The following STPG2 variants were observed in gnomAD, a reference collection of about 807,000 sequenced individuals.
STPG2 encodes the protein sperm-tail PG-rich repeat-containing protein 2.
A neutral mutation model predicts 54.2 loss-of-function variants in STPG2; 56 were observed. That is an observed-to-expected ratio of 1.03 (90% CI 0.83 to 1.29). STPG2 has a LOEUF of 1.29. Ranked by LOEUF, STPG2 falls within the 50% of genes most tolerant of loss-of-function variation. The probability of loss-of-function intolerance (pLI) is 0.00; values close to 1 mark genes in which losing one functional copy is unlikely to be tolerated. For synonymous variants in STPG2, 200 were observed against 181.8 expected (o/e 1.10, Z -0.81); for missense variants, 596 against 544.9 (o/e 1.09, Z -0.93).
At chr4:97,500,279 G>A (rs939999254) in intron 4 of STPG2, among the ~76,000 whole-genome samples, 3 of 151,908 alleles carry the variant, frequency 2.0e-5, no homozygotes, top group African/African-American at 7.2e-5. Context: ...AATTATACCC[G>A]GAAAATAAAA....
intron 10 of STPG2, among the ~76,000 whole-genome samples, chr4:97,576,625 C>A (rs1037423179): frequency 2.6e-4 from 39 of 152,114 alleles, no homozygotes; most frequent in African/African-American, 8.9e-4. Context: ...AAATTAAAGA[C>A]CTAAAACTAT....
At chr4:97,696,086 G>C (rs1211051107) in intron 10 of STPG2, among the ~76,000 whole-genome samples, 1 of 152,180 alleles carries the variant, frequency 6.6e-6, no homozygotes, top group East Asian at 1.9e-4. Flanking sequence ...GAACAAATCT[G>C]GAGGCATTAC....
intron 5 of STPG2, among the ~76,000 whole-genome samples, chr4:98,042,221 T>C (rs887341130): frequency 1.8e-5 from 1 of 55,180 alleles, no homozygotes; most frequent in African/African-American, 8.2e-5. Context: ...ATTTTCTCTG[T>C]TTTTTTTGGT....
intron 7 of STPG2, among the ~76,000 whole-genome samples, chr4:97,962,260 T>C (rs1733916635): frequency 6.6e-6 from 1 of 151,944 alleles, no homozygotes; most frequent in African/African-American, 2.4e-5. Flanking sequence ...GTGCAGTGTA[T>C]ATTGCTGGGA....
chr4:98,080,044 C>G (rs1450859439), intron 5 of STPG2, among the ~76,000 whole-genome samples: 1 of 151,764 alleles, frequency 6.6e-6, no homozygotes, highest in Non-Finnish European at 1.5e-5. Flanking sequence ...TACATTATAC[C>G]TAAGCTCTTA....
At chr4:97,784,465 AT>A (rs1726760646) in intron 9 of STPG2, among the ~76,000 whole-genome samples, 1 of 152,130 alleles carries the variant, frequency 6.6e-6, no homozygotes, top group African/African-American at 2.4e-5. Context: ...GATATTGAAT[AT>A]GGGAAAAAAT....
chr4:97,946,604 T>C lies in STPG2; in HGVS notation c.934-2597A>G, dbSNP rs547580785. The stretch of plus-strand genomic sequence containing the variant: ...ATGTAGGGATTCAGTTTCATTCTTC[T>C]AAATGTAGCTATTCAGTTTTCCCAG... On this transcript the variant is annotated intron_variant, in intron 7 of 10. Transcript: ENST00000295268. Among the ~76,000 whole-genome samples the C allele has an allele frequency of 4.6e-5, 7 of 152,284 alleles. No homozygotes were observed. The East Asian group carries it at 1.4e-3, about 29-fold the overall frequency.
intron 5 of STPG2, among the ~76,000 whole-genome samples, chr4:98,074,523 A>G (rs1196779301): frequency 1.3e-5 from 2 of 152,056 alleles, no homozygotes; most frequent in Non-Finnish European, 2.9e-5. Context: ...CTTCTGTCCC[A>G]TTCTCTCCCT....
intron 8 of STPG2, among the ~76,000 whole-genome samples, chr4:97,902,413 G>T (rs561336402): frequency 6.6e-6 from 1 of 152,216 alleles, no homozygotes; most frequent in African/African-American, 2.4e-5. Flanking sequence ...CCTGATAAGG[G>T]TTAATCTTCA....
At chr4:98,005,458 T>A (rs72686464) in intron 5 of STPG2, among the ~76,000 whole-genome samples, 2,078 of 152,338 alleles carry the variant, frequency 0.014, 19 homozygotes, top group Non-Finnish European at 0.02. Flanking sequence ...AATATCCTTG[T>A]CTAGTTCTGG....
chr4:98,051,495 T>G (rs984301764), intron 5 of STPG2, among the ~76,000 whole-genome samples: 1 of 152,018 alleles, frequency 6.6e-6, no homozygotes, highest in African/African-American at 2.4e-5. Context: ...CTAGTGGCTT[T>G]ATAGGAAGGA....
chr4:97,444,898 A>AT (rs2148793203), intron 4 of STPG2, among the ~76,000 whole-genome samples: 1 of 152,150 alleles, frequency 6.6e-6, no homozygotes, highest in East Asian at 1.9e-4. Context: ...TTAGCCAGGG[A>AT]TGGTAGCAGG....
chr4:97,467,150 C>G (rs1404767719), intron 4 of STPG2, among the ~76,000 whole-genome samples: 1 of 151,788 alleles, frequency 6.6e-6, no homozygotes, highest in African/African-American at 2.4e-5. Context: ...TTTGGGGAAG[C>G]CTTAACCAGA....
At position 98,134,388 on chromosome 4, in the gene STPG2, C is replaced by A; in HGVS notation, c.181G>T (p.Ala61Ser). The change falls in exon 2 of 11, where the codon GCT becomes TCT. Residue 61 changes from alanine (A) to serine (S), a missense_variant. Transcript: ENST00000295268. ...TFTIASSIEK[A>S]VPGPGHYNVS... ...TTATAGTGTCCTGGACCTGGAACAGCTTTCTCAATGCTAGAGGCAATGGTA... is the reference window on the plus strand; with the variant it reads ...TTATAGTGTCCTGGACCTGGAACAGATTTCTCAATGCTAGAGGCAATGGTA... The A allele has an allele frequency of 3.2e-6, 5 of 1,584,052 alleles. No individual in the cohort carries two copies. Among genetic ancestry groups the A allele is most frequent in the Non-Finnish European group, 3.4e-6 (4 of 1,162,580 alleles).
chr4:97,545,442 GAATAA>G (rs1211505136), intron 4 of STPG2, among the ~76,000 whole-genome samples: 7 of 152,048 alleles, frequency 4.6e-5, no homozygotes, highest in Non-Finnish European at 1.0e-4. Flanking sequence ...GATTTCATAT[GAATAA>G]AAATGTTAAG....
intron 10 of STPG2, among the ~76,000 whole-genome samples, chr4:97,706,069 T>G (rs1723931200): frequency 6.6e-6 from 1 of 152,170 alleles, no homozygotes; most frequent in South Asian, 2.1e-4. Context: ...TTTCTCTTGA[T>G]CCAATGAATC....
chr4:97,822,311 C>T (rs1728118968), intron 9 of STPG2, among the ~76,000 whole-genome samples: 2 of 152,162 alleles, frequency 1.3e-5, no homozygotes, highest in Non-Finnish European at 2.9e-5. Context: ...GAGACCTTGT[C>T]AGCCCAGAAT....
At chr4:97,580,590 ATTAT>A (rs1389010551) in intron 10 of STPG2, among the ~76,000 whole-genome samples, 2 of 151,532 alleles carry the variant, frequency 1.3e-5, no homozygotes, top group African/African-American at 4.8e-5. Context: ...CACAAAGAGA[ATTAT>A]TTAAATTCCT....
At chr4:98,029,479 T>C (rs1736528405) in intron 5 of STPG2, among the ~76,000 whole-genome samples, 1 of 152,210 alleles carries the variant, frequency 6.6e-6, no homozygotes, top group South Asian at 2.1e-4. Flanking sequence ...TTTTATCTGA[T>C]ACTAATATAG....
Sources: gnomAD v4.1 joint callset for allele counts (sites outside exome capture counted in the v4.1 genomes callset) on GRCh38, gnomAD v4.1.1 for gene constraint, MANE v1.5 for transcripts, NCBI Gene and HGNC (gene_info 2026-07-23, HGNC 2026-07-21) for gene names.